AJAP1: variants seen among roughly 807,000 people sequenced by gnomAD.
The protein encoded by AJAP1 is adherens junction-associated protein 1.
A neutral mutation model predicts 35.0 loss-of-function variants in AJAP1; 5 were observed. That is an observed-to-expected ratio of 0.14 (90% CI 0.07 to 0.30). AJAP1 has a LOEUF of 0.30. AJAP1 is among the 10% of genes least tolerant of loss of function. The pLI is 1.00. For synonymous variants in AJAP1, 284 were observed against 249.3 expected (o/e 1.14, Z -1.31); for missense variants, 586 against 571.0 (o/e 1.03, Z -0.27).
chr1:4,770,044 T>C, intron 3 of AJAP1, 104 bp downstream of exon 3: 1 of 1,047,248 alleles, frequency 9.5e-7, no homozygotes, highest in Non-Finnish European at 1.5e-6. Flanking sequence ...CCTGTTCTGC[T>C]GGCTTCTGCC....
chr1:4,775,353 G>T (rs549818872), intron 5 of AJAP1, among the ~76,000 whole-genome samples: 1 of 152,160 alleles, frequency 6.6e-6, no homozygotes, highest in Non-Finnish European at 1.5e-5. Flanking sequence ...GGTTCTTTTC[G>T]ACGCTGGGCT....
At chr1:4,667,787 C>A (rs1639164032) in intron 1 of AJAP1, among the ~76,000 whole-genome samples, 1 of 152,148 alleles carries the variant, frequency 6.6e-6, no homozygotes, top group Non-Finnish European at 1.5e-5. Context: ...ATCGTCCCAC[C>A]CAAGCTGTGG....
chr1:4,677,722 C>T (rs763765434), intron 1 of AJAP1, among the ~76,000 whole-genome samples: 4 of 145,002 alleles, frequency 2.8e-5, no homozygotes, highest in South Asian at 2.3e-4. Context: ...GGTAATGCTC[C>T]GAATGAAAAT....
intron 2 of AJAP1, among the ~76,000 whole-genome samples, chr1:4,755,417 G>A (rs434504): frequency 0.77 from 116,203 of 151,708 alleles, 45,812 homozygotes; most frequent in African/African-American, 0.82. Context: ...GGGGATAACC[G>A]TCTCCCTCCT....
intron 2 of AJAP1, among the ~76,000 whole-genome samples, chr1:4,732,455 C>T (rs184493819): frequency 7.5e-4 from 114 of 152,388 alleles, no homozygotes; most frequent in Non-Finnish European, 1.3e-3. Flanking sequence ...GTGGCTTTGC[C>T]CTCCCACCTT....
At chr1:4,658,152 C>T (rs1246348427) in intron 1 of AJAP1, among the ~76,000 whole-genome samples, 2 of 152,162 alleles carry the variant, frequency 1.3e-5, no homozygotes, top group Non-Finnish European at 2.9e-5. Context: ...TCAGGGGCTC[C>T]GAGCGTCCAC....
rs1463822041 is a variant in AJAP1, at chr1:4,786,489, T to C, written c.*4004T>C. 2 of 152,200 alleles carry C rather than the reference T, an allele frequency of 1.3e-5. No individual in the cohort carries two copies. The highest frequency in any genetic ancestry group is 4.8e-5 in the African/African-American group (2 of 41,448). 9.4% of individuals were successfully genotyped at this position (152,200 alleles called of 1,614,324 possible). Reference sequence around the variant, plus strand: ...CTTTCTTTCAAAAATACGTGACTCTTTCACAGCCATATTTTAGCGTCAGGA... The same window carrying C: ...CTTTCTTTCAAAAATACGTGACTCTCTCACAGCCATATTTTAGCGTCAGGA... On this transcript the variant is annotated 3_prime_UTR_variant, in exon 6 of 6. Coordinates refer to ENST00000378191, the MANE Select transcript of AJAP1 (RefSeq NM_018836.4).
chr1:4,762,676 A>T (rs1037771279), intron 2 of AJAP1, among the ~76,000 whole-genome samples: 5 of 152,164 alleles, frequency 3.3e-5, no homozygotes, highest in African/African-American at 1.2e-4. Context: ...AACTATAACC[A>T]AGAATATAAT....
In AJAP1 at chr1:4,693,402, G is replaced by T. The variant is rs1483114490; in HGVS notation, c.30-18498G>T. ...GAGGCAGGGGGCGGGGGGAGGGATT[G>T]GAGGAGGCCTAAGCAGGAGCAGGTA... On this transcript the variant is annotated intron_variant, in intron 1 of 5. Transcript: ENST00000378191. The surrounding 1 kb of genome is among the most constrained non-coding windows in gnomAD (Gnocchi z 4.4). Among the ~76,000 whole-genome samples the T allele has an allele frequency of 6.6e-6, 1 of 151,850 alleles. No homozygotes were observed. The highest frequency in any genetic ancestry group is 2.4e-5 in the African/African-American group (1 of 41,400).
At chr1:4,730,233 G>A (rs1188549622) in intron 2 of AJAP1, among the ~76,000 whole-genome samples, 2 of 152,192 alleles carry the variant, frequency 1.3e-5, no homozygotes, top group Non-Finnish European at 2.9e-5. Flanking sequence ...GAGGAGACAG[G>A]GAGCAAACAA....
intron 1 of AJAP1, among the ~76,000 whole-genome samples, chr1:4,671,868 G>A (rs11587129): frequency 0.25 from 37,986 of 152,070 alleles, 5,509 homozygotes; most frequent in South Asian, 0.49. Context: ...TTATTGTCGT[G>A]GTTTAGCCAG....
chr1:4,769,810 C>A (rs1426718079), intron 2 of AJAP1, 43 bp from the exon 3 acceptor site: 5 of 1,560,520 alleles, frequency 3.2e-6, no homozygotes, highest in Admixed American at 1.7e-5. Context: ...GCCTCCTGAA[C>A]CTGGTTTCAC....
chr1:4,692,942 G>T lies in AJAP1; in HGVS notation c.30-18958G>T, dbSNP rs908795436. Among the ~76,000 whole-genome samples, 1 of 152,266 alleles carries T rather than the reference G, an allele frequency of 6.6e-6. No homozygotes were observed. The highest frequency in any genetic ancestry group is 1.5e-5 in the Non-Finnish European group (1 of 68,048). On this transcript the variant is annotated intron_variant, in intron 1 of 5. Transcript: ENST00000378191. This position sits in a 1 kb window ranked among gnomAD's most constrained non-coding sequence, Gnocchi z 4.4. ...CCCATTCTGGAACCCAGTGCTCATT[G>T]CAGCTGCTTTATTAGGTGGCTATCA...
intron 1 of AJAP1, among the ~76,000 whole-genome samples, chr1:4,686,852 T>G (rs1245659665): frequency 6.6e-6 from 1 of 152,302 alleles, no homozygotes; most frequent in African/African-American, 2.4e-5. Context: ...GTGGCCTCCG[T>G]TCTCTGATGC....
Position 4,766,487 on chromosome 1 carries a change from T to C in AJAP1, c.830-3366T>C, listed in dbSNP as rs548981069. ...GAGAGGAAATAATGAAGAACCCTTA[T>C]GAATTTTCCATATTTCAGCCTGCTT... On this transcript the variant is annotated intron_variant, in intron 2 of 5. Coordinates refer to ENST00000378191, the MANE Select transcript of AJAP1 (RefSeq NM_018836.4). Among the ~76,000 whole-genome samples, 8 of 152,328 alleles carry C rather than the reference T, an allele frequency of 5.3e-5. No individual in the cohort carries two copies. In the East Asian group the frequency reaches 1.5e-3, roughly 29 times the overall value.
chr1:4,724,234 G>A lies in AJAP1; in HGVS notation c.829+11535G>A, dbSNP rs561960398. Among the ~76,000 whole-genome samples, 6 of 152,218 alleles carry A rather than the reference G, an allele frequency of 3.9e-5. No individual in the cohort carries two copies. The South Asian group carries it at 6.2e-4, about 16-fold the overall frequency. ...ATGGGCGGTGGTGGTGATGGCGGCC[G>A]GGATGAGGAAGGCTCAAGGAGAGGG... On this transcript the variant is annotated intron_variant, in intron 2 of 5. Coordinates refer to ENST00000378191, the MANE Select transcript of AJAP1 (RefSeq NM_018836.4).
Position 4,655,585 on chromosome 1 carries a change from C to T in AJAP1, c.29+131C>T. ...CCCGCAAGCGGGCAACGGGGTGCAC[C>T]GGTAGCCGGAAAGGGGCGCCCGCCC... On this transcript the variant is annotated intron_variant, in intron 1 of 5. Coordinates refer to ENST00000378191, the MANE Select transcript of AJAP1 (RefSeq NM_018836.4). This position sits in a 1 kb window ranked among gnomAD's most constrained non-coding sequence, Gnocchi z 6.9. 1 of 1,187,736 alleles carries T rather than the reference C, an allele frequency of 8.4e-7. No individual in the cohort carries two copies. The highest frequency in any genetic ancestry group is 3.2e-5 in the East Asian group (1 of 30,896). The allele number at this position is 1,187,736 out of a possible 1,614,324, so 73.6% of individuals were successfully genotyped here.
intron 2 of AJAP1, among the ~76,000 whole-genome samples, chr1:4,748,306 G>T (rs1641239221): frequency 1.3e-5 from 2 of 152,206 alleles, no homozygotes; most frequent in African/African-American, 2.4e-5. Flanking sequence ...TGTGCTGGGT[G>T]TGTTACATGC....
chr1:4,684,992 A>G (rs1215452992), intron 1 of AJAP1, among the ~76,000 whole-genome samples: 1 of 152,188 alleles, frequency 6.6e-6, no homozygotes, highest in Non-Finnish European at 1.5e-5. Flanking sequence ...TCACTGTGGC[A>G]GGAGGAAAAA....
Sources: allele counts gnomAD v4.1 joint callset (sites outside exome capture counted in the v4.1 genomes callset), GRCh38; gene constraint gnomAD v4.1.1; non-coding constraint Gnocchi (gnomAD v3.1); transcripts MANE v1.5; gene names NCBI Gene and HGNC (gene_info 2026-07-23, HGNC 2026-07-21).